Variants in CLNK observed in about 807,000 individuals in gnomAD.
CLNK encodes the protein cytokine dependent hematopoietic cell linker.
A neutral mutation model predicts 68.6 loss-of-function variants in CLNK; 74 were observed. That is an observed-to-expected ratio of 1.08 (90% CI 0.89 to 1.31). The LOEUF is 1.31. Ranked by LOEUF, CLNK falls within the 50% of genes most tolerant of loss-of-function variation. The pLI, the probability that CLNK is intolerant of heterozygous loss-of-function variation, is 0.00. For missense variants in CLNK, 553 were observed against 515.3 expected (o/e 1.07, Z -0.71); for synonymous variants, 198 against 172.2 (o/e 1.15, Z -1.17).
chr4:10,733,269 C>T, the CLNK span, among the ~76,000 whole-genome samples: 1 of 152,156 alleles, frequency 6.6e-6, no homozygotes, highest in African/African-American at 2.4e-5. Flanking sequence ...CAATCCACCT[C>T]TTAGTCACCA....
At chr4:10,596,002 A>G (rs185216987) in intron 3 of CLNK, among the ~76,000 whole-genome samples, 1 of 152,310 alleles carries the variant, frequency 6.6e-6, no homozygotes, top group Non-Finnish European at 1.5e-5. Context: ...AATAGTGAAC[A>G]TGAGAGTCTA....
chr4:10,687,788 G>A (rs2108907354), upstream of CLNK, among the ~76,000 whole-genome samples: 1 of 152,198 alleles, frequency 6.6e-6, no homozygotes, highest in South Asian at 2.1e-4. Context: ...CAGTTAGAGG[G>A]ACTCCCTTGC....
At chr4:10,640,056 A>G (rs974387388) in intron 2 of CLNK, among the ~76,000 whole-genome samples, 2 of 152,260 alleles carry the variant, frequency 1.3e-5, no homozygotes, top group Non-Finnish European at 2.9e-5. Context: ...CAATAACACT[A>G]CAGTCTAACT....
At chr4:10,690,126 T>G in the CLNK span, among the ~76,000 whole-genome samples, 1 of 152,090 alleles carries the variant, frequency 6.6e-6, no homozygotes, top group Non-Finnish European at 1.5e-5. Flanking sequence ...AACTCCCTGG[T>G]CAACACCTCA....
intron 8 of CLNK, among the ~76,000 whole-genome samples, chr4:10,551,419 G>GTA (rs201585969): frequency 0.17 from 21,949 of 127,844 alleles, 1,800 homozygotes; most frequent in Non-Finnish European, 0.22. Context: ...TAATTTTTTT[G>GTA]TATATATATA....
intron 12 of CLNK, 42 bp downstream of exon 12, chr4:10,532,214 A>C (rs2108803110): frequency 6.5e-7 from 1 of 1,543,978 alleles, no homozygotes; most frequent in East Asian, 2.3e-5. Context: ...TTAATGCCTC[A>C]AAATTCCCTT....
the CLNK span, among the ~76,000 whole-genome samples, chr4:10,708,905 A>G: frequency 6.8e-3 from 1,041 of 152,296 alleles, 7 homozygotes; most frequent in African/African-American, 0.017. Context: ...AATGCCAGAG[A>G]CTACTTCTAT....
the CLNK span, among the ~76,000 whole-genome samples, chr4:10,725,810 C>T: frequency 6.6e-6 from 1 of 150,964 alleles, no homozygotes; most frequent in Non-Finnish European, 1.5e-5. Flanking sequence ...AGCCGAGATG[C>T]GCCACTGCAC....
At chr4:10,506,386 TG>T (rs1255589415) in intron 17 of CLNK, among the ~76,000 whole-genome samples, 1 of 152,216 alleles carries the variant, frequency 6.6e-6, no homozygotes, top group Non-Finnish European at 1.5e-5. Context: ...CCTGGCAGCC[TG>T]GGTTTATCCA....
At chr4:10,680,850 G>A (rs1439453928) in intron 1 of CLNK, among the ~76,000 whole-genome samples, 2 of 152,174 alleles carry the variant, frequency 1.3e-5, no homozygotes, top group African/African-American at 4.8e-5. Context: ...ACTGGATGGC[G>A]TGGTATAGTG....
At chr4:10,699,271 A>ACATACACACCACGTATGTGTGTATACAC in the CLNK span, among the ~76,000 whole-genome samples, 1 of 81,166 alleles carries the variant, frequency 1.2e-5, no homozygotes, top group Non-Finnish European at 2.8e-5. Flanking sequence ...GTATACACAC[A>ACATACACACCACGTATGTGTGTATACAC]CACACACCAC....
chr4:10,568,019 T>A (rs1401989860), intron 5 of CLNK, among the ~76,000 whole-genome samples: 1 of 152,216 alleles, frequency 6.6e-6, no homozygotes, highest in Admixed American at 6.5e-5. Context: ...TGGCAGTTCC[T>A]CAAAAGGTTA....
At chr4:10,496,019 A>G (rs1716798132) in intron 18 of CLNK, among the ~76,000 whole-genome samples, 1 of 152,222 alleles carries the variant, frequency 6.6e-6, no homozygotes, top group African/African-American at 2.4e-5. Context: ...GGCCTCCAGC[A>G]CTGTGAAACA....
intron 15 of CLNK, chr4:10,517,247 A>C (rs191070370): frequency 6.6e-6 from 1 of 152,290 alleles, no homozygotes; most frequent in African/African-American, 2.4e-5. Context: ...AAAAGAAAGA[A>C]AGGAAAATAA....
the CLNK span, among the ~76,000 whole-genome samples, chr4:10,693,500 C>CT: frequency 6.6e-6 from 1 of 152,208 alleles, no homozygotes; most frequent in African/African-American, 2.4e-5. Context: ...CAAGGAATGC[C>CT]TAGGGCTGCC....
chr4:10,496,824 G>C (rs1346160647), intron 18 of CLNK, among the ~76,000 whole-genome samples: 1 of 152,150 alleles, frequency 6.6e-6, no homozygotes, highest in African/African-American at 2.4e-5. Flanking sequence ...GGTTTACATA[G>C]GGCGAACACC....
the CLNK span, among the ~76,000 whole-genome samples, chr4:10,734,785 C>A: frequency 6.6e-6 from 1 of 152,146 alleles, no homozygotes; most frequent in African/African-American, 2.4e-5. Flanking sequence ...CAGACAGAAG[C>A]ACCTGCCTGC....
chr4:10,506,925 G>A (rs957945457), intron 17 of CLNK, among the ~76,000 whole-genome samples: 2 of 151,414 alleles, frequency 1.3e-5, no homozygotes, highest in African/African-American at 4.9e-5. Flanking sequence ...TCAGCCTCCC[G>A]AGTAGCTGGG....
intron 4 of CLNK, 22 bp from the exon 5 acceptor site, chr4:10,571,800 G>A (rs774352420): frequency 6.2e-7 from 1 of 1,606,014 alleles, no homozygotes; most frequent in East Asian, 2.2e-5. Flanking sequence ...AACAGACCGA[G>A]TGTTATTTTA....
Sources: allele counts gnomAD v4.1 joint callset (sites outside exome capture counted in the v4.1 genomes callset), GRCh38; gene constraint gnomAD v4.1.1; transcripts MANE v1.5; gene names NCBI Gene and HGNC (gene_info 2026-07-23, HGNC 2026-07-21).